The following THSD7B variants were observed in gnomAD, a reference collection of about 807,000 sequenced individuals.
The protein encoded by THSD7B is thrombospondin type-1 domain-containing protein 7B.
In THSD7B, 138 loss-of-function variants were observed where a neutral mutation model predicts 213.6. That is an observed-to-expected ratio of 0.65 (90% CI 0.56 to 0.74). The LOEUF is 0.74. Ranked by LOEUF, THSD7B falls within the 30% of genes least tolerant of loss-of-function variation. The probability of loss-of-function intolerance (pLI) is 0.00; values close to 1 mark genes in which losing one functional copy is unlikely to be tolerated. For synonymous variants in THSD7B, 742 were observed against 687.0 expected, an observed-to-expected ratio of 1.08 and a Z score of -1.25; for missense variants, 1,931 against 1,991.5, an observed-to-expected ratio of 0.97 and a Z score of 0.58.
intron 27 of THSD7B, among the ~76,000 whole-genome samples, chr2:137,671,973 T>A (rs1489697358): frequency 6.6e-6 from 1 of 152,146 alleles, no homozygotes; most frequent in African/African-American, 2.4e-5. Context: ...TACCCCATGA[T>A]TGATAATATT....
In THSD7B at chr2:137,289,368, AT is replaced by A. The variant is rs374053690; in HGVS notation, c.2500+13351del. ...TTGCAGCAATAAAGAAGTGTATTAC[AT>A]TTTTTTTTCTTTTAAGTAACAGAGT... is the stretch of plus-strand genomic sequence containing the variant. On this transcript the variant is annotated intron_variant, in intron 12 of 27. Transcript: ENST00000409968. 9.1e-4 allele frequency among the ~76,000 whole-genome samples: 137 copies of A among 151,216 alleles called. 1 individual carries two copies. Among genetic ancestry groups the A allele is most frequent in the African/African-American group, 2.9e-3 (120 of 41,268 alleles).
At chr2:137,654,453 G>A (rs1683196558) in intron 21 of THSD7B, among the ~76,000 whole-genome samples, 2 of 152,298 alleles carry the variant, frequency 1.3e-5, no homozygotes, top group Admixed American at 1.3e-4. Context: ...CACTTCCCAT[G>A]CTTCCGGTGG....
At chr2:137,271,815 A>C (rs1237852152) in intron 10 of THSD7B, among the ~76,000 whole-genome samples, 1 of 152,048 alleles carries the variant, frequency 6.6e-6, no homozygotes, top group African/African-American at 2.4e-5. Flanking sequence ...CTTTAACGAT[A>C]ATTGATTTTT....
At chr2:137,030,223 C>T (rs1184849053) in intron 2 of THSD7B, among the ~76,000 whole-genome samples, 1 of 151,992 alleles carries the variant, frequency 6.6e-6, no homozygotes, top group Non-Finnish European at 1.5e-5. Flanking sequence ...ATGCATGATG[C>T]TTAGAGAAAG....
rs569840799 is a variant in THSD7B, at chr2:137,136,306, C to T, written c.1369+21013C>T. Among the ~76,000 whole-genome samples, 12 of 152,232 alleles carry T rather than the reference C, an allele frequency of 7.9e-5. No homozygotes were observed. The South Asian group carries it at 2.5e-3, about 32-fold the overall frequency. The stretch of plus-strand genomic sequence containing the variant: ...CCAGAACTTAAAGAATAATAAAATT[C>T]CCTGAAAATGAATTTGGAGGAATGA... On this transcript the variant is annotated intron_variant, in intron 5 of 27. Coordinates refer to ENST00000409968, the MANE Select transcript of THSD7B (RefSeq NM_001316349.2).
At chr2:137,464,817 A>G (rs1384160271) in intron 15 of THSD7B, among the ~76,000 whole-genome samples, 2 of 152,076 alleles carry the variant, frequency 1.3e-5, no homozygotes, top group East Asian at 3.9e-4. Context: ...TGTTGAAACC[A>G]GAAGTAAATT....
intron 12 of THSD7B, among the ~76,000 whole-genome samples, chr2:137,388,152 C>T (rs1685938020): frequency 2.0e-5 from 3 of 151,912 alleles, no homozygotes; most frequent in Admixed American, 2.0e-4. Context: ...TTTTTCCTAC[C>T]ATTTCTTACA....
At chr2:137,611,600 A>C (rs1177053292) in intron 17 of THSD7B, among the ~76,000 whole-genome samples, 1 of 152,188 alleles carries the variant, frequency 6.6e-6, no homozygotes, top group Non-Finnish European at 1.5e-5. Flanking sequence ...ATTAGTTACT[A>C]ATATTGTTTT....
At chr2:137,225,327 G>A (rs896669607) in intron 7 of THSD7B, among the ~76,000 whole-genome samples, 12 of 151,304 alleles carry the variant, frequency 7.9e-5, no homozygotes, top group Non-Finnish European at 1.6e-4. Flanking sequence ...TAATCAAGGT[G>A]CCCACTCTTC....
intron 12 of THSD7B, among the ~76,000 whole-genome samples, chr2:137,370,342 T>G (rs1685514912): frequency 6.6e-6 from 1 of 152,206 alleles, no homozygotes; most frequent in South Asian, 2.1e-4. Context: ...CTCCCCAGCA[T>G]CAACTACTAT....
intron 12 of THSD7B, among the ~76,000 whole-genome samples, chr2:137,376,161 C>G (rs1048620121): frequency 3.9e-5 from 6 of 152,084 alleles, no homozygotes; most frequent in Non-Finnish European, 1.5e-5. Context: ...GTTTTACATT[C>G]CATTTGTTAC....
At chr2:136,909,045 T>C (rs187249196) in intron 2 of THSD7B, among the ~76,000 whole-genome samples, 8 of 152,174 alleles carry the variant, frequency 5.3e-5, no homozygotes, top group Admixed American at 4.6e-4. Flanking sequence ...TAGTCAGGCA[T>C]GATGGCATGT....
chr2:137,308,258 G>C (rs1369407037), intron 12 of THSD7B, among the ~76,000 whole-genome samples: 1 of 151,964 alleles, frequency 6.6e-6, no homozygotes, highest in Non-Finnish European at 1.5e-5. Context: ...AAGATCACCA[G>C]GAATAAGGGA....
At chr2:137,403,599 T>A (rs1484211637) in intron 12 of THSD7B, among the ~76,000 whole-genome samples, 1 of 152,192 alleles carries the variant, frequency 6.6e-6, no homozygotes, top group East Asian at 1.9e-4. Flanking sequence ...ATGCCAAATA[T>A]GGGTAGTCGG....
chr2:136,833,955 G>T (rs1300346499), intron 1 of THSD7B, among the ~76,000 whole-genome samples: 5 of 151,988 alleles, frequency 3.3e-5, no homozygotes, highest in African/African-American at 1.2e-4. Flanking sequence ...GATTTTTTTT[G>T]AGATTAATTC....
At chr2:137,320,257 C>A (rs1365309010) in intron 12 of THSD7B, among the ~76,000 whole-genome samples, 2 of 152,084 alleles carry the variant, frequency 1.3e-5, no homozygotes, top group Non-Finnish European at 2.9e-5. Context: ...TGTACTCCAG[C>A]TCTTATATTC....
chr2:137,191,414 G>C (rs939946428), intron 7 of THSD7B, among the ~76,000 whole-genome samples: 1 of 151,950 alleles, frequency 6.6e-6, no homozygotes, highest in Non-Finnish European at 1.5e-5. Context: ...GGCTCTGATA[G>C]GAACAAAGTA....
intron 4 of THSD7B, among the ~76,000 whole-genome samples, chr2:137,114,194 T>C (rs1688402836): frequency 6.6e-6 from 1 of 152,198 alleles, no homozygotes; most frequent in Non-Finnish European, 1.5e-5. Context: ...AAATATGAAA[T>C]GGGACAGCAG....
chr2:137,557,466 T>G (rs1439257122), intron 15 of THSD7B, among the ~76,000 whole-genome samples: 1 of 152,052 alleles, frequency 6.6e-6, no homozygotes, highest in East Asian at 1.9e-4. Context: ...GAATGAATAC[T>G]GGGTACATAA....
Sources: gnomAD v4.1 joint callset for allele counts (sites outside exome capture counted in the v4.1 genomes callset) on GRCh38, gnomAD v4.1.1 for gene constraint, MANE v1.5 for transcripts, NCBI Gene and HGNC (gene_info 2026-07-23, HGNC 2026-07-21) for gene names.